CDH23: variants seen among roughly 807,000 people sequenced by gnomAD.
CDH23 encodes cadherin related 23.
Under a neutral mutation model 317.1 loss-of-function variants are expected in CDH23, and 189 were observed. The observed-to-expected ratio is 0.60, with a 90% confidence interval of 0.53 to 0.67. CDH23 has a LOEUF of 0.67. CDH23 is among the 30% of genes least tolerant of loss of function. CDH23 has a pLI of 0.00. For missense variants in CDH23, 4,401 were observed against 4,592.4 expected, an observed-to-expected ratio of 0.96 and a Z score of 1.20; for synonymous variants, 1,839 against 1,876.8, an observed-to-expected ratio of 0.98 and a Z score of 0.52.
intron 9 of CDH23, among the ~76,000 whole-genome samples, chr10:71,578,783 G>C (rs931998206): frequency 6.6e-6 from 1 of 152,190 alleles, no homozygotes; most frequent in South Asian, 2.1e-4. Context: ...GGTCAGCCTG[G>C]TGTATCTGGG....
At chr10:71,416,399 T>C (rs1848535009) in intron 1 of CDH23, among the ~76,000 whole-genome samples, 1 of 152,252 alleles carries the variant, frequency 6.6e-6, no homozygotes, top group Non-Finnish European at 1.5e-5. Context: ...TTTGGAACAC[T>C]TTAACTCCAC....
intron 6 of CDH23, among the ~76,000 whole-genome samples, chr10:71,554,708 C>G (rs1015163402): frequency 6.7e-6 from 1 of 150,372 alleles, no homozygotes; most frequent in Non-Finnish European, 1.5e-5. Context: ...AGTTTTCTGC[C>G]TCTGCAGAAA....
chr10:71,765,154 C>T (rs1003767102), intron 38 of CDH23, among the ~76,000 whole-genome samples: 20 of 152,238 alleles, frequency 1.3e-4, no homozygotes, highest in African/African-American at 3.9e-4. Flanking sequence ...CCTTCCCCAG[C>T]AGGCCATGTG....
Position 71,753,834 on chromosome 10 carries a change from A to G in CDH23, c.4845+11913A>G, listed in dbSNP as rs115008661. The G allele has an allele frequency of 4.8e-3, 2,209 of 456,436 alleles. 47 individuals are homozygous for G. The highest frequency in any genetic ancestry group is 0.041 in the African/African-American group (2,045 of 50,168). The allele number at this position is 456,436 out of a possible 1,614,324, so 28.3% of individuals were successfully genotyped here. A position where few individuals can be genotyped will look rare whatever the true frequency, so the allele number is the denominator to read the frequency against. On this transcript the variant is annotated intron_variant, in intron 38 of 69. Coordinates refer to ENST00000224721, the MANE Select transcript of CDH23 (RefSeq NM_022124.6). ...GGGAAGTTACCCAAAAGTTCCTGAAATCTATTCAAACCATGGCTATTGCTT... is the reference window on the plus strand; with the variant it reads ...GGGAAGTTACCCAAAAGTTCCTGAAGTCTATTCAAACCATGGCTATTGCTT...
At chr10:71,656,215 G>C (rs921024178) in intron 14 of CDH23, among the ~76,000 whole-genome samples, 1 of 152,174 alleles carries the variant, frequency 6.6e-6, no homozygotes, top group Non-Finnish European at 1.5e-5. Flanking sequence ...CCTAATCAGG[G>C]CATACGAGTC....
At chr10:71,723,470 G>T (rs1341794579) in intron 28 of CDH23, among the ~76,000 whole-genome samples, 1 of 152,160 alleles carries the variant, frequency 6.6e-6, no homozygotes, top group African/African-American at 2.4e-5. Context: ...TCGCAGCCAC[G>T]CCAGCCAGGC....
intron 3 of CDH23, among the ~76,000 whole-genome samples, chr10:71,454,381 C>A (rs769204196): frequency 6.6e-6 from 1 of 152,200 alleles, no homozygotes; most frequent in Non-Finnish European, 1.5e-5. Context: ...AACATATTTT[C>A]GAAAGGAAAC....
intron 2 of CDH23, among the ~76,000 whole-genome samples, chr10:71,444,860 G>A (rs998636496): frequency 1.3e-4 from 20 of 152,204 alleles, no homozygotes; most frequent in African/African-American, 2.7e-4. Flanking sequence ...CTGAGCAGGT[G>A]CCCCTGATGG....
chr10:71,426,467 G>T (rs955312761), intron 1 of CDH23, among the ~76,000 whole-genome samples: 4 of 152,146 alleles, frequency 2.6e-5, no homozygotes. Flanking sequence ...GGCTGGCACA[G>T]GTTGGCTCAC....
chr10:71,505,707 G>T (rs1853596360), intron 3 of CDH23, among the ~76,000 whole-genome samples: 1 of 152,176 alleles, frequency 6.6e-6, no homozygotes, highest in South Asian at 2.1e-4. Flanking sequence ...ATCATAAGAG[G>T]GCATTCCAGC....
At position 71,704,905 on chromosome 10, in the gene CDH23, C is replaced by G; in HGVS notation, c.2734-6C>G. The G allele has an allele frequency of 6.2e-7, 1 of 1,609,778 alleles. No individual in the cohort carries two copies. On this transcript the variant is annotated splice_polypyrimidine_tract_variant and splice_region_variant and intron_variant, in intron 24 of 69. Coordinates refer to ENST00000224721, the MANE Select transcript of CDH23 (RefSeq NM_022124.6). The stretch of plus-strand genomic sequence containing the variant: ...CCACCCTCATGCTGCCCCTCCTTGC[C>G]CTCAGGTGGTGGCCATCGACCTCGA...
intron 6 of CDH23, among the ~76,000 whole-genome samples, chr10:71,554,570 C>G (rs935669454): frequency 5.3e-5 from 8 of 152,182 alleles, no homozygotes; most frequent in Non-Finnish European, 1.2e-4. Context: ...CCTCCAGCCC[C>G]TGCAGCCCTG....
At chr10:71,446,798 G>A (rs1202312739) in intron 3 of CDH23, among the ~76,000 whole-genome samples, 1 of 152,178 alleles carries the variant, frequency 6.6e-6, no homozygotes, top group Non-Finnish European at 1.5e-5. Flanking sequence ...AACTATTTAG[G>A]GGGTGATTAT....
rs535568084 is a variant in CDH23, at chr10:71,792,471, A to G, written c.6254-711A>G. ...TTAAATTTCTATGCATGCTAATTTAAACCTTGTTACATCAAATAATTATAG... is the reference window on the plus strand; with the variant it reads ...TTAAATTTCTATGCATGCTAATTTAGACCTTGTTACATCAAATAATTATAG... On this transcript the variant is annotated intron_variant, in intron 47 of 69. Coordinates refer to ENST00000224721, the MANE Select transcript of CDH23 (RefSeq NM_022124.6). Among the ~76,000 whole-genome samples, 139 of 152,318 alleles carry G rather than the reference A, an allele frequency of 9.1e-4. 1 individual carries two copies. Among genetic ancestry groups the G allele is most frequent in the Non-Finnish European group, 2.1e-4 (14 of 68,034 alleles).
At chr10:71,602,010 C>T (rs866945953) in intron 9 of CDH23, among the ~76,000 whole-genome samples, 3 of 151,554 alleles carry the variant, frequency 2.0e-5, no homozygotes, top group Admixed American at 6.6e-5. Flanking sequence ...GTCGGTCATT[C>T]GGGCTGGTTC....
intron 38 of CDH23, chr10:71,755,168 C>G: frequency 2.9e-6 from 2 of 680,352 alleles, no homozygotes; most frequent in East Asian, 2.8e-5. Context: ...GCACTTGGCC[C>G]CCGGAAATGG....
At chr10:71,778,429 G>C in intron 40 of CDH23, 121 bp downstream of exon 40, 2 of 1,314,876 alleles carry the variant, frequency 1.5e-6, no homozygotes, top group Non-Finnish European at 2.1e-6. Flanking sequence ...CTAAATCCAA[G>C]ACCCCTGTCC....
In CDH23 at chr10:71,577,960, G is replaced by A. The variant is rs761173311; in HGVS notation, c.800G>A (p.Arg267His). Residue 267 changes from arginine to histidine, a missense_variant, in exon 9 of 70, where the codon CGT (arginine) becomes CAT (histidine). Arg to His is a conservative substitution (Grantham distance 29). This residue lies in a region of CDH23 where 3,068 missense variants were observed against 3,203.3 expected (regional missense o/e 0.96). Coordinates refer to ENST00000224721, the MANE Select transcript of CDH23 (RefSeq NM_022124.6). The part of the protein sequence containing the change: ...IITAIDQDKG[R>H]PRGIGYTIVS... ...ACCGCCATAGACCAGGATAAAGGAC[G>A]TCCCCGGGGCATTGGCTACACCATC... The A allele has an allele frequency of 8.7e-6, 14 of 1,604,854 alleles. No individual in the cohort carries two copies. The highest frequency in any genetic ancestry group is 1.6e-4 in the Middle Eastern group (1 of 6,076).
chr10:71,731,507 A>C (rs1041218204), intron 31 of CDH23, among the ~76,000 whole-genome samples: 1 of 152,174 alleles, frequency 6.6e-6, no homozygotes, highest in African/African-American at 2.4e-5. Flanking sequence ...GTTTGTTTCA[A>C]GGCACAGGAA....
Sources: gnomAD v4.1 joint callset for allele counts (sites outside exome capture counted in the v4.1 genomes callset) on GRCh38, gnomAD v4.1.1 for gene constraint, gnomAD v4.1.1 regional missense constraint, MANE v1.5 for transcripts, NCBI Gene and HGNC (gene_info 2026-07-23, HGNC 2026-07-21) for gene names.